Variants in EEF1AKMT1 observed in about 807,000 individuals in gnomAD.
The protein encoded by EEF1AKMT1 is EEF1A lysine methyltransferase 1.
A neutral mutation model predicts 21.0 loss-of-function variants in EEF1AKMT1; 18 were observed. That is an observed-to-expected ratio of 0.86 (90% CI 0.59 to 1.27). The LOEUF (loss-of-function observed/expected upper bound fraction) is 1.27, where lower values mean the gene tolerates loss of function less well. EEF1AKMT1 is among the 50% of genes most tolerant of loss of function. The probability of loss-of-function intolerance (pLI) is 0.00; values close to 1 mark genes in which losing one functional copy is unlikely to be tolerated. For synonymous variants in EEF1AKMT1, 109 were observed against 94.8 expected (o/e 1.15, Z -0.87); for missense variants, 246 against 258.6 (o/e 0.95, Z 0.33).
intron 3 of EEF1AKMT1, 64 bp downstream of exon 3, chr13:20,737,659 G>A: frequency 7.5e-7 from 1 of 1,329,876 alleles, no homozygotes; most frequent in South Asian, 1.2e-5. Context: ...CAAACCATCT[G>A]TCATCCAGGA....
chr13:20,741,521 A>G (rs185259233), intron 2 of EEF1AKMT1, among the ~76,000 whole-genome samples: 1 of 146,328 alleles, frequency 6.8e-6, no homozygotes, highest in East Asian at 2.0e-4. Context: ...CAGTGGTGCA[A>G]TCTCAGCTCA....
chr13:20,769,836 T>C (rs1487312145), intron 1 of EEF1AKMT1, among the ~76,000 whole-genome samples: 1 of 151,388 alleles, frequency 6.6e-6, no homozygotes, highest in Non-Finnish European at 1.5e-5. Context: ...AAAGACTAGA[T>C]GGTGGGCCTC....
chr13:20,750,783 T>C (rs780068698), intron 2 of EEF1AKMT1, among the ~76,000 whole-genome samples: 1 of 152,206 alleles, frequency 6.6e-6, no homozygotes, highest in Non-Finnish European at 1.5e-5. Context: ...ACAGTAGCTA[T>C]AGTAATTTAC....
intron 1 of EEF1AKMT1, among the ~76,000 whole-genome samples, chr13:20,770,725 G>A (rs1189900665): frequency 2.0e-5 from 3 of 152,016 alleles, no homozygotes; most frequent in Admixed American, 6.6e-5. Context: ...TGGCAAAATC[G>A]AAGAGTACAA....
chr13:20,738,361 T>G (rs1312369921), intron 2 of EEF1AKMT1, among the ~76,000 whole-genome samples: 5 of 152,230 alleles, frequency 3.3e-5, no homozygotes, highest in African/African-American at 9.6e-5. Context: ...TCATGCTGAT[T>G]GGTGATTTTT....
intron 3 of EEF1AKMT1, among the ~76,000 whole-genome samples, chr13:20,735,200 G>C (rs952328047): frequency 6.6e-6 from 1 of 152,182 alleles, no homozygotes; most frequent in African/African-American, 2.4e-5. Context: ...GAGGGCTCAG[G>C]ATGCGACAGA....
intron 1 of EEF1AKMT1, among the ~76,000 whole-genome samples, chr13:20,758,002 T>C (rs2058980105): frequency 6.6e-6 from 1 of 152,064 alleles, no homozygotes; most frequent in African/African-American, 2.4e-5. Flanking sequence ...CCGAAAGAAG[T>C]TGAAGTATTT....
intron 1 of EEF1AKMT1, among the ~76,000 whole-genome samples, chr13:20,765,405 GTTTTT>G (rs1171165259): frequency 1.3e-3 from 79 of 58,700 alleles, no homozygotes; most frequent in Non-Finnish European, 2.1e-3. Flanking sequence ...CTTCCCTTGG[GTTTTT>G]TTTTTTTTTT....
At chr13:20,757,994 G>A (rs1397284205) in intron 1 of EEF1AKMT1, among the ~76,000 whole-genome samples, 3 of 152,148 alleles carry the variant, frequency 2.0e-5, no homozygotes, top group East Asian at 1.9e-4. Flanking sequence ...AACAGGCCCC[G>A]AAAGAAGTTG....
chr13:20,772,230 T>TA (rs1184276810), intron 1 of EEF1AKMT1, among the ~76,000 whole-genome samples: 1 of 151,958 alleles, frequency 6.6e-6, no homozygotes, highest in Non-Finnish European at 1.5e-5. Flanking sequence ...CAAGTGGCAG[T>TA]AAAAAAAATT....
chr13:20,764,880 AACACAC>A (rs34574835), intron 1 of EEF1AKMT1, among the ~76,000 whole-genome samples: 19,579 of 139,826 alleles, frequency 0.14, 1,453 homozygotes, highest in Non-Finnish European at 0.16. Context: ...TTTCACTTTC[AACACAC>A]ACACACACAC....
intron 4 of EEF1AKMT1, among the ~76,000 whole-genome samples, chr13:20,729,572 G>T (rs969655801): frequency 2.6e-5 from 4 of 151,830 alleles, no homozygotes; most frequent in Non-Finnish European, 4.4e-5. Context: ...ATTTCCCAAC[G>T]TTGAGCCAAG....
chr13:20,744,085 C>T (rs2058888896), intron 2 of EEF1AKMT1, among the ~76,000 whole-genome samples: 1 of 152,126 alleles, frequency 6.6e-6, no homozygotes, highest in African/African-American at 2.4e-5. Flanking sequence ...TGTCTTAATC[C>T]AGTCTGTCAC....
intron 2 of EEF1AKMT1, among the ~76,000 whole-genome samples, chr13:20,743,835 T>C (rs1266997883): frequency 6.6e-6 from 1 of 152,054 alleles, no homozygotes; most frequent in African/African-American, 2.4e-5. Flanking sequence ...TGCTCTCCCT[T>C]CCCTTGTCCC....
At chr13:20,755,304 G>T (rs1050829943) in intron 2 of EEF1AKMT1, among the ~76,000 whole-genome samples, 9 of 152,192 alleles carry the variant, frequency 5.9e-5, no homozygotes, top group Non-Finnish European at 1.3e-4. Context: ...GTCATGGCAG[G>T]ATGCAGTCTT....
chr13:20,772,830 T>C (rs998695596), intron 1 of EEF1AKMT1, among the ~76,000 whole-genome samples: 1 of 152,176 alleles, frequency 6.6e-6, no homozygotes, highest in Non-Finnish European at 1.5e-5. Context: ...TCAATTTCCA[T>C]GTTATCAAAT....
chr13:20,747,462 CTT>C (rs60730051), intron 2 of EEF1AKMT1: 34 of 87,678 alleles, frequency 3.9e-4, no homozygotes, highest in South Asian at 1.1e-3. Context: ...TAGGCACATT[CTT>C]TTTTTTTTTT....
chr13:20,751,445 T>C (rs1255148324), intron 2 of EEF1AKMT1, among the ~76,000 whole-genome samples: 2 of 152,206 alleles, frequency 1.3e-5, no homozygotes, highest in Non-Finnish European at 1.5e-5. Context: ...CCTTGGCACC[T>C]TTGTCAAAAA....
intron 1 of EEF1AKMT1, among the ~76,000 whole-genome samples, chr13:20,764,871 T>G (rs1166611081): frequency 8.3e-6 from 1 of 120,188 alleles, no homozygotes; most frequent in Non-Finnish European, 1.7e-5. Context: ...TCCCCTTCCT[T>G]TCACTTTCAA....
Sources: allele counts gnomAD v4.1 joint callset (sites outside exome capture counted in the v4.1 genomes callset), GRCh38; gene constraint gnomAD v4.1.1; transcripts MANE v1.5; gene names NCBI Gene and HGNC (gene_info 2026-07-23, HGNC 2026-07-21).